RIMS2: variants seen among roughly 807,000 people sequenced by gnomAD.
RIMS2 encodes the protein regulating synaptic membrane exocytosis protein 2.
Under a neutral mutation model 174.4 loss-of-function variants are expected in RIMS2, and 59 were observed. The observed-to-expected ratio is 0.34, with a 90% CI of 0.27 to 0.42. The LOEUF (loss-of-function observed/expected upper bound fraction) is 0.42, where lower values mean the gene tolerates loss of function less well. RIMS2 is among the 10% of genes least tolerant of loss of function. The probability of loss-of-function intolerance (pLI) is 1.00; values close to 1 mark genes in which losing one functional copy is unlikely to be tolerated. For synonymous variants in RIMS2, 606 were observed against 572.5 expected (o/e 1.06, Z -0.84); for missense variants, 1,620 against 1,666.3 (o/e 0.97, Z 0.48).
chr8:104,051,268 A>G (rs2096780737), intron 19 of RIMS2, among the ~76,000 whole-genome samples: 2 of 152,036 alleles, frequency 1.3e-5, no homozygotes, highest in Admixed American at 6.6e-5. Flanking sequence ...ATATATATAT[A>G]TGTATGTGTG....
intron 1 of RIMS2, among the ~76,000 whole-genome samples, chr8:103,588,916 C>G (rs770637736): frequency 1.3e-4 from 20 of 151,702 alleles, no homozygotes; most frequent in Non-Finnish European, 2.4e-4. Flanking sequence ...AATGGGATCA[C>G]ATCAAGTTAA....
At chr8:103,916,034 A>AT (rs2076576098) in intron 7 of RIMS2, among the ~76,000 whole-genome samples, 2 of 151,944 alleles carry the variant, frequency 1.3e-5, no homozygotes, top group South Asian at 4.1e-4. Context: ...TTACAAGAGA[A>AT]TTTAGATACT....
intron 1 of RIMS2, among the ~76,000 whole-genome samples, chr8:103,600,282 T>TCTTTCTTTCTTTCTTTC: frequency 6.6e-6 from 1 of 151,586 alleles, no homozygotes; most frequent in African/African-American, 2.4e-5. Flanking sequence ...TTTCTTTCTT[T>TCTTTCTTTCTTTCTTTC]TTTCTGAGAC....
intron 1 of RIMS2, among the ~76,000 whole-genome samples, chr8:103,577,445 A>G (rs976471012): frequency 6.6e-6 from 1 of 152,162 alleles, no homozygotes; most frequent in Non-Finnish European, 1.5e-5. Flanking sequence ...GGAGGGGAAC[A>G]TCACACGCCG....
intron 1 of RIMS2, among the ~76,000 whole-genome samples, chr8:103,537,067 A>G (rs971548076): frequency 1.3e-5 from 2 of 152,216 alleles, no homozygotes; most frequent in African/African-American, 4.8e-5. Context: ...TGAAGAAGAC[A>G]TGGTTTTTGT....
intron 1 of RIMS2, among the ~76,000 whole-genome samples, chr8:103,674,347 C>T (rs1378847162): frequency 6.6e-6 from 1 of 152,190 alleles, no homozygotes; most frequent in East Asian, 1.9e-4. Flanking sequence ...CTCCTTGATA[C>T]TATCAATATA....
intron 19 of RIMS2, among the ~76,000 whole-genome samples, chr8:104,040,145 A>C (rs2096584393): frequency 6.6e-6 from 1 of 151,700 alleles, no homozygotes; most frequent in Non-Finnish European, 1.5e-5. Flanking sequence ...ATAGGAAATC[A>C]TTCTCTAAAG....
chr8:103,708,905 T>G (rs1265290467), intron 2 of RIMS2, among the ~76,000 whole-genome samples: 1 of 152,178 alleles, frequency 6.6e-6, no homozygotes, highest in Non-Finnish European at 1.5e-5. Context: ...GAACTCCTGT[T>G]CCCAGTATAT....
At chr8:104,008,513 A>G (rs1047595574) in intron 17 of RIMS2, among the ~76,000 whole-genome samples, 1 of 147,078 alleles carries the variant, frequency 6.8e-6, no homozygotes, top group African/African-American at 2.5e-5. Context: ...GTGTGTGTTT[A>G]ATAATACAGT....
intron 2 of RIMS2, among the ~76,000 whole-genome samples, chr8:103,723,579 G>A (rs1481821472): frequency 6.6e-6 from 1 of 152,192 alleles, no homozygotes; most frequent in Non-Finnish European, 1.5e-5. Flanking sequence ...TTGCAGCCTA[G>A]GGCATCATGG....
At chr8:103,956,426 G>A (rs1002992574) in intron 14 of RIMS2, among the ~76,000 whole-genome samples, 1 of 152,130 alleles carries the variant, frequency 6.6e-6, no homozygotes, top group African/African-American at 2.4e-5. Context: ...GGACAGAACA[G>A]AAGCCTCAGA....
At chr8:103,585,130 CAT>C (rs1175687333) in intron 1 of RIMS2, among the ~76,000 whole-genome samples, 2 of 152,024 alleles carry the variant, frequency 1.3e-5, no homozygotes, top group African/African-American at 2.4e-5. Flanking sequence ...GGCCAACAAA[CAT>C]ATGAAAAACA....
chr8:103,749,398 C>T (rs556868432), intron 2 of RIMS2, among the ~76,000 whole-genome samples: 1 of 152,328 alleles, frequency 6.6e-6, no homozygotes, highest in South Asian at 2.1e-4. Context: ...AGGCATGAGC[C>T]ACGGCGCCTG....
intron 2 of RIMS2, among the ~76,000 whole-genome samples, chr8:103,711,159 G>C (rs1251475786): frequency 2.0e-5 from 3 of 152,146 alleles, no homozygotes; most frequent in African/African-American, 7.2e-5. Context: ...TTTTTCAAAA[G>C]AAAGGTACAT....
intron 1 of RIMS2, among the ~76,000 whole-genome samples, chr8:103,676,878 G>A (rs565853194): frequency 6.6e-6 from 1 of 152,146 alleles, no homozygotes; most frequent in African/African-American, 2.4e-5. Flanking sequence ...CAGTTACTCA[G>A]GAGCCTGAGG....
intron 1 of RIMS2, among the ~76,000 whole-genome samples, chr8:103,663,274 G>T (rs1326097165): frequency 6.6e-6 from 1 of 151,990 alleles, no homozygotes; most frequent in African/African-American, 2.4e-5. Context: ...GAGAAACAAA[G>T]CCATTTGTAT....
intron 17 of RIMS2, among the ~76,000 whole-genome samples, chr8:104,006,903 G>GT (rs1278920516): frequency 1.3e-5 from 2 of 151,592 alleles, no homozygotes; most frequent in African/African-American, 4.8e-5. Flanking sequence ...AATTTTAAAG[G>GT]TTTTTTTATA....
chr8:104,147,501 A>G lies in RIMS2; in HGVS notation c.3335-97415A>G, dbSNP rs192299710. On this transcript the variant is annotated intron_variant, in intron 19 of 23. Coordinates refer to ENST00000504942, the Ensembl canonical transcript of RIMS2. ...TTTTTTTTTTCTGGAAGACAAAGAT[A>G]TTGAATTAGACATAAGAGTTCACCT... 3.2e-3 allele frequency among the ~76,000 whole-genome samples: 494 copies of G among 152,266 alleles called. 3 individuals carry two copies. Among genetic ancestry groups the G allele is most frequent in the African/African-American group, 0.011 (456 of 41,558 alleles).
intron 2 of RIMS2, among the ~76,000 whole-genome samples, chr8:103,747,762 T>C (rs984090949): frequency 2.6e-5 from 4 of 152,162 alleles, no homozygotes; most frequent in East Asian, 1.9e-4. Context: ...TTAACTGTTA[T>C]GGGTAAGACT....
Sources: allele counts gnomAD v4.1 joint callset (sites outside exome capture counted in the v4.1 genomes callset), GRCh38; gene constraint gnomAD v4.1.1; transcripts MANE v1.5; gene names NCBI Gene and HGNC (gene_info 2026-07-23, HGNC 2026-07-21).